EFCAB6: variants seen among roughly 807,000 people sequenced by gnomAD.
EFCAB6 encodes EF-hand calcium binding domain 6.
A neutral mutation model predicts 169.8 loss-of-function variants in EFCAB6; 156 were observed. That is an observed-to-expected ratio of 0.92 (90% confidence interval 0.81 to 1.05). The LOEUF (loss-of-function observed/expected upper bound fraction) is 1.05. Among genes scored for constraint, EFCAB6 ranks in the 50% least tolerant of loss-of-function variants. EFCAB6 has a pLI of 0.00. For missense variants in EFCAB6, 1,800 were observed against 1,829.1 expected (o/e 0.98, Z 0.29); for synonymous variants, 698 against 676.4 (o/e 1.03, Z -0.50).
Position 43,576,459 on chromosome 22 carries a change from T to C in EFCAB6, c.3258A>G (p.Thr1086=). 6.3e-7 allele frequency: 1 copy of C among 1,576,830 alleles called. No individual in the cohort carries two copies. Among genetic ancestry groups the C allele is most frequent in the Non-Finnish European group, 8.6e-7 (1 of 1,168,954 alleles). Residue 1086 remains threonine (T), a synonymous_variant, in exon 26 of 32, where the codon ACA becomes ACG. Transcript: ENST00000262726. ...CGAATTCTGTAGCCTTTACAAATCCTGTATCCTCTTTATCCAATGCAGAAA... is the reference window on the plus strand; with the variant it reads ...CGAATTCTGTAGCCTTTACAAATCCCGTATCCTCTTTATCCAATGCAGAAA... ...TAFSALDKED[T]GFVKATEFGQ...
At chr22:43,687,003 TA>T (rs1370872594) in intron 11 of EFCAB6, among the ~76,000 whole-genome samples, 2 of 152,184 alleles carry the variant, frequency 1.3e-5, no homozygotes, top group Non-Finnish European at 2.9e-5. Flanking sequence ...GATAGACAAA[TA>T]ATCTCCATGA....
chr22:43,636,609 C>CTT (rs907909699), intron 17 of EFCAB6, among the ~76,000 whole-genome samples: 46 of 126,276 alleles, frequency 3.6e-4, no homozygotes, highest in African/African-American at 5.7e-4. Flanking sequence ...CAGTTCTTTT[C>CTT]TTTTTTTTTT....
chr22:43,755,841 T>G lies in EFCAB6; in HGVS notation c.441-9A>C. The G allele has an allele frequency of 6.6e-7, 1 of 1,508,108 alleles. No homozygotes were observed. The highest frequency in any genetic ancestry group is 1.4e-5 in the African/African-American group (1 of 70,106). The allele number at this position is 1,508,108 out of a possible 1,614,324, so 93.4% of individuals were successfully genotyped here. ...TTTCATTCCCACCTCCCCTTAGAAA[T>G]AAAAAAAAAATCTTTATTAAAACAT... is the stretch of plus-strand genomic sequence containing the variant. On this transcript the variant is annotated splice_polypyrimidine_tract_variant and intron_variant, in intron 5 of 31. Transcript: ENST00000262726.
At chr22:43,687,140 A>C (rs1320622233) in intron 11 of EFCAB6, among the ~76,000 whole-genome samples, 1 of 152,260 alleles carries the variant, frequency 6.6e-6, no homozygotes, top group Non-Finnish European at 1.5e-5. Context: ...GCTAGGGAGC[A>C]GTGCTTGCCG....
intron 22 of EFCAB6, among the ~76,000 whole-genome samples, chr22:43,608,020 T>TTTTC (rs1032791447): frequency 2.4e-4 from 36 of 152,294 alleles, no homozygotes; most frequent in Admixed American, 1.0e-3. Flanking sequence ...AAAGTTTGGT[T>TTTTC]TTTCTTCCCA....
At chr22:43,794,465 G>A (rs1340926268) in intron 2 of EFCAB6, among the ~76,000 whole-genome samples, 2 of 152,168 alleles carry the variant, frequency 1.3e-5, no homozygotes, top group Non-Finnish European at 2.9e-5. Flanking sequence ...TTGTCCAATT[G>A]TGCCAGCATG....
intron 27 of EFCAB6, among the ~76,000 whole-genome samples, chr22:43,545,420 A>G (rs2047998376): frequency 6.6e-6 from 1 of 152,346 alleles, no homozygotes; most frequent in South Asian, 2.1e-4. Context: ...ATGGATACAT[A>G]TTTTTAAAAA....
At chr22:43,641,355 C>A (rs946595800) in intron 17 of EFCAB6, among the ~76,000 whole-genome samples, 2 of 152,188 alleles carry the variant, frequency 1.3e-5, no homozygotes, top group Admixed American at 1.3e-4. Context: ...GCGGCTCACA[C>A]CTGTAATCCC....
chr22:43,589,535 C>G (rs2051323210), intron 24 of EFCAB6, among the ~76,000 whole-genome samples: 1 of 152,148 alleles, frequency 6.6e-6, no homozygotes, highest in Non-Finnish European at 1.5e-5. Context: ...CGCCTATAAT[C>G]CCAGCACTTT....
intron 17 of EFCAB6, among the ~76,000 whole-genome samples, chr22:43,664,244 G>A (rs1225903813): frequency 6.6e-6 from 1 of 152,204 alleles, no homozygotes; most frequent in African/African-American, 2.4e-5. Flanking sequence ...GAATGCCCAT[G>A]TCCATCAGTC....
intron 20 of EFCAB6, among the ~76,000 whole-genome samples, chr22:43,618,009 G>A (rs2053818179): frequency 6.6e-6 from 1 of 151,224 alleles, no homozygotes; most frequent in African/African-American, 2.4e-5. Context: ...GACTGAGACA[G>A]GAGAATCACT....
At chr22:43,583,189 G>C (rs1464383281) in intron 24 of EFCAB6, among the ~76,000 whole-genome samples, 1 of 151,954 alleles carries the variant, frequency 6.6e-6, no homozygotes, top group Admixed American at 6.6e-5. Context: ...CTGACCACAG[G>C]AAAGATGTTT....
chr22:43,715,580 T>C (rs888515797), intron 9 of EFCAB6, among the ~76,000 whole-genome samples: 2 of 152,222 alleles, frequency 1.3e-5, no homozygotes, highest in Non-Finnish European at 2.9e-5. Context: ...TATAAAATTA[T>C]TTCTATCTAT....
chr22:43,551,923 G>C, intron 27 of EFCAB6: 1 of 151,480 alleles, frequency 6.6e-6, no homozygotes, highest in East Asian at 1.9e-4. Flanking sequence ...TGCCTCCTGG[G>C]TTTACGTGAT....
At chr22:43,783,444 C>CA (rs1481273410) in intron 2 of EFCAB6, among the ~76,000 whole-genome samples, 1 of 152,176 alleles carries the variant, frequency 6.6e-6, no homozygotes, top group Non-Finnish European at 1.5e-5. Context: ...AACTGACCTT[C>CA]AAGCTCTGCA....
intron 26 of EFCAB6, among the ~76,000 whole-genome samples, chr22:43,560,007 T>C (rs1176866202): frequency 1.3e-5 from 2 of 152,228 alleles, no homozygotes. Flanking sequence ...TCTGTACATG[T>C]ATCCCAGAAC....
chr22:43,785,241 A>T (rs897301520), intron 2 of EFCAB6, among the ~76,000 whole-genome samples: 1 of 152,208 alleles, frequency 6.6e-6, no homozygotes, highest in Non-Finnish European at 1.5e-5. Context: ...TCTTCTCAGC[A>T]CACATGGATC....
At chr22:43,754,682 C>T (rs2060891276) in intron 6 of EFCAB6, among the ~76,000 whole-genome samples, 2 of 152,188 alleles carry the variant, frequency 1.3e-5, no homozygotes, top group South Asian at 4.1e-4. Flanking sequence ...ATTTACAATC[C>T]TGGCCTTTGT....
At chr22:43,568,539 G>C (rs529016277) in intron 26 of EFCAB6, among the ~76,000 whole-genome samples, 1 of 152,112 alleles carries the variant, frequency 6.6e-6, no homozygotes, top group East Asian at 1.9e-4. Flanking sequence ...AATATATAGA[G>C]GGCTTCCCGT....
Sources: allele counts gnomAD v4.1 joint callset (sites outside exome capture counted in the v4.1 genomes callset), GRCh38; gene constraint gnomAD v4.1.1; transcripts MANE v1.5; gene names NCBI Gene and HGNC (gene_info 2026-07-23, HGNC 2026-07-21).